SFMBT1: variants seen among roughly 807,000 people sequenced by gnomAD.
The protein encoded by SFMBT1 is Scm like with four mbt domains 1.
SFMBT1 carries 32 observed loss-of-function variants against 108.7 expected under a neutral mutation model. The ratio of observed to expected loss-of-function variants is 0.29; its 90% CI spans 0.22 to 0.40. The LOEUF (loss-of-function observed/expected upper bound fraction) is 0.40, where lower values mean the gene tolerates loss of function less well. SFMBT1 is among the 10% of genes least tolerant of loss of function. The pLI is 1.00. For synonymous variants in SFMBT1, 348 were observed against 369.5 expected (o/e 0.94, Z 0.67); for missense variants, 816 against 1,059.6 (o/e 0.77, Z 3.19).
chr3:52,983,477 C>G (rs1195007425), intron 1 of SFMBT1, among the ~76,000 whole-genome samples: 1 of 152,164 alleles, frequency 6.6e-6, no homozygotes, highest in Admixed American at 6.5e-5. Flanking sequence ...GTGGGGTCAA[C>G]ACCCCTGTGT....
At chr3:52,985,535 T>C (rs911491266) in intron 1 of SFMBT1, among the ~76,000 whole-genome samples, 2 of 152,232 alleles carry the variant, frequency 1.3e-5, no homozygotes, top group African/African-American at 4.8e-5. Flanking sequence ...CTATTCTGCT[T>C]AACTCATACA....
chr3:52,918,457 A>T, intron 13 of SFMBT1, 27 bp downstream of exon 13: 1 of 1,537,066 alleles, frequency 6.5e-7, no homozygotes. Context: ...CTAACTTGTA[A>T]ACTGTTCATA....
At chr3:52,970,360 T>C (rs1704294349) in intron 1 of SFMBT1, among the ~76,000 whole-genome samples, 1 of 152,216 alleles carries the variant, frequency 6.6e-6, no homozygotes, top group East Asian at 1.9e-4. Flanking sequence ...TTCACATAAA[T>C]GGAACCATAT....
intron 3 of SFMBT1, among the ~76,000 whole-genome samples, chr3:52,947,748 T>A (rs886421556): frequency 6.6e-6 from 1 of 151,724 alleles, no homozygotes; most frequent in Non-Finnish European, 1.5e-5. Flanking sequence ...TTTTTTTTTT[T>A]CCTCGAGACA....
At chr3:53,007,987 C>T (rs951583137) in intron 1 of SFMBT1, among the ~76,000 whole-genome samples, 1 of 148,842 alleles carries the variant, frequency 6.7e-6, no homozygotes, top group African/African-American at 2.5e-5. Context: ...CCATGAAAGT[C>T]AAAAGAAGGC....
intron 2 of SFMBT1, among the ~76,000 whole-genome samples, chr3:52,965,153 C>T (rs767211942): frequency 2.0e-5 from 3 of 152,040 alleles, no homozygotes; most frequent in Admixed American, 6.6e-5. Context: ...TCCCTTCCCT[C>T]TTCCTTCTCC....
At chr3:52,950,660 G>C (rs1341419718) in intron 3 of SFMBT1, among the ~76,000 whole-genome samples, 2 of 152,072 alleles carry the variant, frequency 1.3e-5, no homozygotes, top group Non-Finnish European at 2.9e-5. Flanking sequence ...TTTTTGTAGA[G>C]ACAAGGTTTC....
At chr3:52,931,985 A>G in intron 6 of SFMBT1, 77 bp downstream of exon 6, 1 of 1,475,590 alleles carries the variant, frequency 6.8e-7, no homozygotes, top group South Asian at 1.3e-5. Context: ...TATGCAGAAT[A>G]TATTTTTTCA....
At chr3:52,915,686 A>G (rs3774346) in intron 14 of SFMBT1, among the ~76,000 whole-genome samples, 1 of 152,364 alleles carries the variant, frequency 6.6e-6, no homozygotes, top group East Asian at 1.9e-4. Flanking sequence ...TCTCTCATTT[A>G]TCAGGCATTA....
At chr3:52,951,945 T>G (rs1198316333) in intron 3 of SFMBT1, among the ~76,000 whole-genome samples, 1 of 152,188 alleles carries the variant, frequency 6.6e-6, no homozygotes, top group African/African-American at 2.4e-5. Context: ...CAATGCAATA[T>G]GAAATAAAAT....
At chr3:53,023,273 T>C (rs1349310735) in intron 1 of SFMBT1, among the ~76,000 whole-genome samples, 2 of 152,222 alleles carry the variant, frequency 1.3e-5, no homozygotes, top group Non-Finnish European at 2.9e-5. Flanking sequence ...AATGAACACT[T>C]AATCACACTA....
At chr3:53,024,291 T>C (rs895937242) in intron 1 of SFMBT1, among the ~76,000 whole-genome samples, 13 of 150,606 alleles carry the variant, frequency 8.6e-5, no homozygotes, top group Non-Finnish European at 1.8e-4. Flanking sequence ...CTGAGATGAT[T>C]TTGGGGGAAA....
At chr3:52,905,851 TTAAGCATGGTATGCTTG>T (rs1373619521) in intron 20 of SFMBT1, among the ~76,000 whole-genome samples, 1 of 152,182 alleles carries the variant, frequency 6.6e-6, no homozygotes, top group African/African-American at 2.4e-5. Flanking sequence ...ATGTGGACAA[TTAAGCATGGTATGCTTG>T]ATATTGGAGG....
intron 3 of SFMBT1, among the ~76,000 whole-genome samples, chr3:52,950,608 G>A (rs1370977163): frequency 1.3e-5 from 2 of 152,014 alleles, no homozygotes; most frequent in African/African-American, 2.4e-5. Context: ...CCAAGCAGCT[G>A]GAATTACAGG....
intron 1 of SFMBT1, among the ~76,000 whole-genome samples, chr3:52,987,820 C>A (rs1575421613): frequency 1.3e-5 from 2 of 152,158 alleles, no homozygotes; most frequent in Non-Finnish European, 2.9e-5. Context: ...CTTCTAAAAT[C>A]TTATTCTAGT....
chr3:52,996,845 A>ATCTCCT (rs1698351391), intron 1 of SFMBT1, among the ~76,000 whole-genome samples: 1 of 150,000 alleles, frequency 6.7e-6, no homozygotes, highest in African/African-American at 2.4e-5. Flanking sequence ...AGAGATGGGC[A>ATCTCCT]GATCATGAGG....
At chr3:52,950,642 TTTTTGTATTTTTGTAGAGACAAGG>T (rs1221010487) in intron 3 of SFMBT1, among the ~76,000 whole-genome samples, 1 of 152,130 alleles carries the variant, frequency 6.6e-6, no homozygotes, top group East Asian at 1.9e-4. Context: ...GCCTGTCTAA[TTTTTGTATTTTTGTAGAGACAAGG>T]TTTCACCATG....
chr3:52,979,952 T>C (rs181630849), intron 1 of SFMBT1, among the ~76,000 whole-genome samples: 363 of 152,298 alleles, frequency 2.4e-3, no homozygotes, highest in Non-Finnish European at 4.1e-3. Context: ...TTTTTAAAAA[T>C]AACTATCTTG....
At chr3:52,933,675 A>G (rs1298886442) in intron 5 of SFMBT1, among the ~76,000 whole-genome samples, 1 of 152,222 alleles carries the variant, frequency 6.6e-6, no homozygotes, top group Admixed American at 6.5e-5. Flanking sequence ...AGCATAAATA[A>G]ATGAGTCAGA....
Sources: gnomAD v4.1 joint callset for allele counts (sites outside exome capture counted in the v4.1 genomes callset) on GRCh38, gnomAD v4.1.1 for gene constraint, MANE v1.5 for transcripts, NCBI Gene and HGNC (gene_info 2026-07-23, HGNC 2026-07-21) for gene names.